ASB5: variants seen among roughly 807,000 people sequenced by gnomAD.
ASB5 encodes ankyrin repeat and SOCS box protein 5.
In ASB5, 45 loss-of-function variants were observed where a neutral mutation model predicts 42.1. That is an observed-to-expected ratio of 1.07 (90% CI 0.84 to 1.37). ASB5 has a LOEUF of 1.37. ASB5 is among the 40% of genes most tolerant of loss of function. The pLI is 0.00. For synonymous variants in ASB5, 147 were observed against 150.6 expected (o/e 0.98, Z 0.18); for missense variants, 402 against 399.8 (o/e 1.01, Z -0.05).
chr4:176,217,483 A>C (rs1308672324), intron 5 of ASB5, among the ~76,000 whole-genome samples: 2 of 151,908 alleles, frequency 1.3e-5, no homozygotes, highest in Non-Finnish European at 2.9e-5. Flanking sequence ...TTTTCTTGGG[A>C]AACTCATGAA....
intron 2 of ASB5, among the ~76,000 whole-genome samples, chr4:176,224,434 C>T (rs1337007836): frequency 3.3e-5 from 5 of 151,922 alleles, no homozygotes; most frequent in African/African-American, 1.2e-4. Flanking sequence ...GGGGTTTCAC[C>T]ACGTTGGCCA....
At chr4:176,225,120 CTA>C in intron 2 of ASB5, 140 bp downstream of exon 2, 1 of 564,754 alleles carries the variant, frequency 1.8e-6, no homozygotes, top group Non-Finnish European at 3.1e-6. Context: ...AAGTGAGAAA[CTA>C]TTGACTTCTC....
At chr4:176,230,147 G>C (rs1458679756) in intron 1 of ASB5, among the ~76,000 whole-genome samples, 5 of 152,200 alleles carry the variant, frequency 3.3e-5, no homozygotes, top group African/African-American at 1.2e-4. Context: ...AAATGAGAAT[G>C]TTAAGTGCCT....
chr4:176,230,309 T>C (rs1753501563), intron 1 of ASB5, among the ~76,000 whole-genome samples: 1 of 152,194 alleles, frequency 6.6e-6, no homozygotes, highest in Admixed American at 6.5e-5. Flanking sequence ...TTGACTAAAA[T>C]ATTTTTGTGT....
chr4:176,219,237 T>C (rs1337057838), intron 5 of ASB5, among the ~76,000 whole-genome samples: 3 of 115,486 alleles, frequency 2.6e-5, no homozygotes, highest in African/African-American at 3.5e-5. Flanking sequence ...TTGTATGATA[T>C]ATAAATATAT....
intron 5 of ASB5, among the ~76,000 whole-genome samples, chr4:176,219,306 T>G (rs1358285831): frequency 2.0e-3 from 167 of 84,012 alleles, no homozygotes; most frequent in East Asian, 4.4e-3. Context: ...TTGTATGATA[T>G]ATAAATATAT....
At chr4:176,239,289 AAAATT>A in intron 1 of ASB5, among the ~76,000 whole-genome samples, 1 of 152,334 alleles carries the variant, frequency 6.6e-6, no homozygotes, top group East Asian at 1.9e-4. Context: ...ATTTTTGTTT[AAAATT>A]AAATTAATTA....
intron 5 of ASB5, among the ~76,000 whole-genome samples, chr4:176,220,542 A>G (rs1381101571): frequency 1.3e-5 from 2 of 152,198 alleles, no homozygotes; most frequent in Non-Finnish European, 2.9e-5. Context: ...GGGGACTCTG[A>G]GTCCTATGGT....
At position 176,269,064 on chromosome 4, in the gene ASB5, G is replaced by A. The variant is rs1269702201; in HGVS notation, c.45C>T (p.Ser15=). The A allele has an allele frequency of 6.2e-7, 1 of 1,611,750 alleles. No individual in the cohort carries two copies. Among genetic ancestry groups the A allele is most frequent in the Non-Finnish European group, 8.5e-7 (1 of 1,178,910 alleles). ...GCGAAAGTATTGTAAAGTAGACATT[G>A]GATAATTGTTGAGCAAACGGCCGAT... ...EENRPFAQQL[S]NVYFTILSLF... The change falls in exon 1 of 7, where the codon TCC becomes TCT. Residue 15 remains serine, a synonymous_variant. Coordinates refer to ENST00000296525, the MANE Select transcript of ASB5 (RefSeq NM_080874.4).
At chr4:176,218,220 T>TAA (rs1448290413) in intron 5 of ASB5, among the ~76,000 whole-genome samples, 1 of 49,544 alleles carries the variant, frequency 2.0e-5, no homozygotes, top group Non-Finnish European at 4.0e-5. Flanking sequence ...ATTTGTATGA[T>TAA]ATAAATATAT....
intron 1 of ASB5, among the ~76,000 whole-genome samples, chr4:176,247,171 C>G (rs1753929371): frequency 6.6e-6 from 1 of 152,012 alleles, no homozygotes; most frequent in African/African-American, 2.4e-5. Flanking sequence ...GATAATAAAA[C>G]ATTATTGGGA....
At position 176,216,889 on chromosome 4, in the gene ASB5, G is replaced by A. The variant is rs1041593595; in HGVS notation, c.791C>T (p.Thr264Ile). 3.1e-6 allele frequency: 5 copies of A among 1,614,030 alleles called. No homozygotes were observed. Among genetic ancestry groups the A allele is most frequent in the Admixed American group, 1.7e-5 (1 of 59,992 alleles). ...TACATCTATAGGTCGCAGAAGCTCTGTATTTTTGGCATTGATATCTGCTCC... is the reference window on the plus strand; with the variant it reads ...TACATCTATAGGTCGCAGAAGCTCTATATTTTTGGCATTGATATCTGCTCC... ...EFGADINAKN[T>I]ELLRPIDVAT... The change falls in exon 6 of 7, where the codon ACA becomes ATA. Residue 264 changes from threonine (T) to isoleucine (I), a missense_variant. Thr to Ile is a moderately conservative substitution (Grantham distance 89). Transcript: ENST00000296525.
rs1754412306 is a variant in ASB5 at position 176,268,838 on chromosome 4, A to G, written c.196+75T>C. 3.1e-6 allele frequency: 4 copies of G among 1,273,078 alleles called. No homozygotes were observed. In the South Asian group the frequency reaches 7.7e-5, roughly 25 times the overall value. The allele number at this position is 1,273,078 out of a possible 1,614,324, so 78.9% of individuals were successfully genotyped here. ...AAATATTTACCTTGAAGCAGTCTAA[A>G]AAGAAAACATGTAATTGTGGATCAG... On this transcript the variant is annotated intron_variant, in intron 1 of 6. Coordinates refer to ENST00000296525, the MANE Select transcript of ASB5 (RefSeq NM_080874.4).
In ASB5 at chr4:176,219,367, ATATT is replaced by A. The variant is rs1365206347; in HGVS notation, c.670+1784_670+1787del. On this transcript the variant is annotated intron_variant, in intron 5 of 6. Transcript: ENST00000296525. ...ATATTTGTATGATATATAAATATATATATTTGTATGATATATAAATATATATATT... is the reference window on the plus strand; with the variant it reads ...ATATTTGTATGATATATAAATATATATGTATGATATATAAATATATATATT... Among the ~76,000 whole-genome samples, 329 of 84,632 alleles carry A rather than the reference ATATT, an allele frequency of 3.9e-3. 1 individual carries two copies. The highest frequency in any genetic ancestry group is 9.7e-3 in the East Asian group (23 of 2,376). The allele number at this position is 84,632 out of a possible 152,430, so 55.5% of individuals were successfully genotyped here.
chr4:176,223,904 C>A (rs1376516633), intron 2 of ASB5, among the ~76,000 whole-genome samples: 2 of 152,128 alleles, frequency 1.3e-5, no homozygotes, highest in Non-Finnish European at 2.9e-5. Flanking sequence ...TGAGGAATTA[C>A]CCTTTAGAAT....
rs1484647587 is a variant in ASB5 at position 176,251,493 on chromosome 4, C to T, written c.196+17420G>A. On this transcript the variant is annotated intron_variant, in intron 1 of 6. Transcript: ENST00000296525. ...AGGAGAATGGCGTGAACCCGGGAGG[C>T]GGAGCTTGCAGTGAGCCGAGATCCC... Among the ~76,000 whole-genome samples the T allele has an allele frequency of 7.3e-5, 4 of 54,934 alleles. 1 individual carries two copies. Among genetic ancestry groups the T allele is most frequent in the Admixed American group, 5.0e-4 (2 of 4,026 alleles). 36.0% of individuals were successfully genotyped at this position (54,934 alleles called of 152,430 possible). A position where few individuals can be genotyped will look rare whatever the true frequency, so the allele number is the denominator to read the frequency against.
At chr4:176,247,785 G>C (rs1753940702) in intron 1 of ASB5, among the ~76,000 whole-genome samples, 2 of 152,110 alleles carry the variant, frequency 1.3e-5, no homozygotes, top group African/African-American at 2.4e-5. Context: ...AAGTGGAAAG[G>C]ATTTGTAAAT....
chr4:176,235,792 C>CT (rs368926557), intron 1 of ASB5, among the ~76,000 whole-genome samples: 82 of 145,352 alleles, frequency 5.6e-4, no homozygotes, highest in Admixed American at 1.1e-3. Context: ...TAAGACTTGT[C>CT]TTTTTTTTTT....
In ASB5 at chr4:176,227,470, G is replaced by T. The variant is rs140076108; in HGVS notation, c.197-2129C>A. On this transcript the variant is annotated intron_variant, in intron 1 of 6. Coordinates refer to ENST00000296525, the MANE Select transcript of ASB5 (RefSeq NM_080874.4). Reference sequence around the variant, plus strand: ...CTGGAGTAACAACAATCTTAACATTGAGAAAAACCAACTTATTTAATGATA... The same window carrying T: ...CTGGAGTAACAACAATCTTAACATTTAGAAAAACCAACTTATTTAATGATA... 2.5e-3 allele frequency among the ~76,000 whole-genome samples: 385 copies of T among 152,252 alleles called. 4 individuals carry two copies. The highest frequency in any genetic ancestry group is 9.1e-3 in the African/African-American group (377 of 41,532).
Sources: gnomAD v4.1 joint callset for allele counts (sites outside exome capture counted in the v4.1 genomes callset) on GRCh38, gnomAD v4.1.1 for gene constraint, MANE v1.5 for transcripts, NCBI Gene and HGNC (gene_info 2026-07-23, HGNC 2026-07-21) for gene names.